CERKL: variants seen among roughly 807,000 people sequenced by gnomAD.
The protein encoded by CERKL is ceramide kinase-like protein.
CERKL carries 61 observed loss-of-function variants against 63.4 expected under a neutral mutation model. The observed-to-expected ratio is 0.96, with a 90% CI of 0.78 to 1.19. The LOEUF (loss-of-function observed/expected upper bound fraction) is 1.19. CERKL is among the 50% of genes most tolerant of loss of function. The pLI is 0.00. For missense variants in CERKL, 675 were observed against 655.5 expected, an observed-to-expected ratio of 1.03 and a Z score of -0.33; for synonymous variants, 250 against 230.5, an observed-to-expected ratio of 1.08 and a Z score of -0.77.
intron 2 of CERKL, among the ~76,000 whole-genome samples, chr2:181,602,248 C>A (rs1318339447): frequency 2.6e-5 from 4 of 152,206 alleles, no homozygotes; most frequent in African/African-American, 9.7e-5. Context: ...AAGAGTTCCT[C>A]AGACCTTAAG....
At chr2:181,581,380 C>T (rs1208843106) in intron 2 of CERKL, among the ~76,000 whole-genome samples, 2 of 152,156 alleles carry the variant, frequency 1.3e-5, no homozygotes, top group African/African-American at 4.8e-5. Flanking sequence ...TCATAGACCC[C>T]TGTATTATGT....
Position 181,536,972 on chromosome 2 carries a change from T to C in CERKL, c.*1212A>G, listed in dbSNP as rs138526637. 7.0e-4 allele frequency: 315 copies of C among 452,482 alleles called. No individual in the cohort carries two copies. Among genetic ancestry groups the C allele is most frequent in the Non-Finnish European group, 8.3e-4 (188 of 226,262 alleles). The allele number at this position is 452,482 out of a possible 1,614,324, so 28.0% of individuals were successfully genotyped here. On this transcript the variant is annotated 3_prime_UTR_variant, in exon 13 of 13. Coordinates refer to ENST00000410087, the MANE Select transcript of CERKL (RefSeq NM_201548.5). ...CCCTGCCACTAGCCAGCCATCCTAA[T>C]TGATGAAAGTTATCTGTTCACAGGC... is the stretch of plus-strand genomic sequence containing the variant.
intron 1 of CERKL, among the ~76,000 whole-genome samples, chr2:181,636,109 T>A (rs1687169838): frequency 6.6e-6 from 1 of 152,186 alleles, no homozygotes; most frequent in Admixed American, 6.5e-5. Flanking sequence ...TGTGTACTTT[T>A]CAAGCTACTT....
chr2:181,642,309 G>A (rs888249683), intron 1 of CERKL, among the ~76,000 whole-genome samples: 1 of 152,172 alleles, frequency 6.6e-6, no homozygotes, highest in African/African-American at 2.4e-5. Flanking sequence ...GTACACAACA[G>A]AACACCCGGT....
intron 2 of CERKL, among the ~76,000 whole-genome samples, chr2:181,582,537 G>T (rs57800636): frequency 4.2e-5 from 5 of 118,864 alleles, no homozygotes; most frequent in South Asian, 2.6e-4. Flanking sequence ...ATATATATAT[G>T]TTTTTTTTTT....
chr2:181,553,408 C>T (rs1321352347), intron 5 of CERKL, among the ~76,000 whole-genome samples: 1 of 152,156 alleles, frequency 6.6e-6, no homozygotes, highest in Non-Finnish European at 1.5e-5. Flanking sequence ...CCATGAAACA[C>T]ATTTCCTCCA....
chr2:181,646,543 G>A (rs887466719), intron 1 of CERKL, among the ~76,000 whole-genome samples: 5 of 152,288 alleles, frequency 3.3e-5, no homozygotes, highest in African/African-American at 1.2e-4. Flanking sequence ...CACTTCTGGA[G>A]GTAGATGATG....
chr2:181,562,983 T>A (rs566496738), intron 4 of CERKL, among the ~76,000 whole-genome samples: 2 of 152,124 alleles, frequency 1.3e-5, no homozygotes, highest in East Asian at 3.8e-4. Flanking sequence ...AACTCAACAA[T>A]TTTTTTAAAA....
chr2:181,645,477 T>C (rs1254649840), intron 1 of CERKL, among the ~76,000 whole-genome samples: 2 of 152,252 alleles, frequency 1.3e-5, no homozygotes, highest in Non-Finnish European at 2.9e-5. Flanking sequence ...GAGGCCATAC[T>C]GCATGGACTG....
chr2:181,541,219 G>A (rs1048020158), intron 11 of CERKL, among the ~76,000 whole-genome samples: 9 of 152,214 alleles, frequency 5.9e-5, no homozygotes, highest in African/African-American at 1.7e-4. Context: ...CATAGGAAAA[G>A]GCATCGGGGA....
At chr2:181,654,160 TAA>T (rs553111069) in intron 1 of CERKL, among the ~76,000 whole-genome samples, 6 of 143,196 alleles carry the variant, frequency 4.2e-5, no homozygotes, top group Non-Finnish European at 1.5e-5. Flanking sequence ...TTTCTCTACT[TAA>T]AAAAAAAAAA....
intron 1 of CERKL, among the ~76,000 whole-genome samples, chr2:181,609,581 C>T (rs1406319214): frequency 7.1e-6 from 1 of 141,602 alleles, no homozygotes; most frequent in Non-Finnish European, 1.5e-5. Flanking sequence ...TGGCACACAC[C>T]TGTAATCCCA....
At chr2:181,579,012 G>A (rs560456535) in intron 2 of CERKL, among the ~76,000 whole-genome samples, 37 of 151,994 alleles carry the variant, frequency 2.4e-4, no homozygotes, top group South Asian at 1.0e-3. Flanking sequence ...GCAGAGTTGC[G>A]ACCAAAAGTG....
In CERKL at chr2:181,554,083, TC is replaced by T. The variant is rs1355223006; in HGVS notation, c.821-4376del. 2.0e-5 allele frequency among the ~76,000 whole-genome samples: 3 copies of T among 149,126 alleles called. No individual in the cohort carries two copies. The East Asian group carries it at 5.9e-4, about 29-fold the overall frequency. ...TTCCTCCTGAGAGCTGCTAAAATGT[TC>T]CAAATACAAAAAAGTAAGGACAGAA... is the stretch of plus-strand genomic sequence containing the variant. On this transcript the variant is annotated intron_variant, in intron 5 of 12. Coordinates refer to ENST00000410087, the MANE Select transcript of CERKL (RefSeq NM_201548.5).
At chr2:181,605,918 T>C (rs1685655704) in intron 1 of CERKL, among the ~76,000 whole-genome samples, 2 of 152,044 alleles carry the variant, frequency 1.3e-5, no homozygotes, top group Non-Finnish European at 2.9e-5. Context: ...AAGAAGTTCC[T>C]TGCTTGCATT....
chr2:181,577,310 ACTAGTAGTG>A (rs1275348419), intron 2 of CERKL, among the ~76,000 whole-genome samples: 2 of 152,230 alleles, frequency 1.3e-5, no homozygotes, highest in African/African-American at 2.4e-5. Context: ...CAGGACTGCA[ACTAGTAGTG>A]CCAGCTAGAG....
intron 2 of CERKL, among the ~76,000 whole-genome samples, chr2:181,600,733 G>GA (rs1343947036): frequency 2.0e-5 from 3 of 152,006 alleles, no homozygotes; most frequent in Non-Finnish European, 2.9e-5. Context: ...GACCTATGGG[G>GA]AAAAAAAGCT....
At chr2:181,653,590 G>A (rs1205918275) in intron 1 of CERKL, among the ~76,000 whole-genome samples, 2 of 152,196 alleles carry the variant, frequency 1.3e-5, no homozygotes, top group Non-Finnish European at 2.9e-5. Context: ...ATAAAGTCCT[G>A]TCAATTGTGA....
chr2:181,656,054 CATT>C (rs1311654987), intron 1 of CERKL, among the ~76,000 whole-genome samples: 1 of 152,168 alleles, frequency 6.6e-6, no homozygotes, highest in Non-Finnish European at 1.5e-5. Flanking sequence ...TAAACTACAG[CATT>C]ATAACTTTTT....
Sources: allele counts gnomAD v4.1 joint callset (sites outside exome capture counted in the v4.1 genomes callset), GRCh38; gene constraint gnomAD v4.1.1; transcripts MANE v1.5; gene names NCBI Gene and HGNC (gene_info 2026-07-23, HGNC 2026-07-21).